Variants in ANGPTL5 observed in about 807,000 individuals in gnomAD.
The protein encoded by ANGPTL5 is angiopoietin like 5.
In ANGPTL5, 34 loss-of-function variants were observed where a neutral mutation model predicts 39.4. That is an observed-to-expected ratio of 0.86 (90% CI 0.66 to 1.15). The LOEUF (loss-of-function observed/expected upper bound fraction) is 1.15. Ranked by LOEUF, ANGPTL5 falls within the 50% of genes most tolerant of loss-of-function variation. ANGPTL5 has a pLI of 0.00. For synonymous variants in ANGPTL5, 146 were observed against 152.1 expected, an observed-to-expected ratio of 0.96 and a Z score of 0.29; for missense variants, 467 against 457.5, an observed-to-expected ratio of 1.02 and a Z score of -0.19.
chr11:101,900,437 A>G lies in ANGPTL5; in HGVS notation c.654T>C (p.Asp218=). The G allele has an allele frequency of 6.2e-7, 1 of 1,613,200 alleles. No individual in the cohort carries two copies. Among genetic ancestry groups the G allele is most frequent in the Non-Finnish European group, 8.5e-7 (1 of 1,179,670 alleles). The change falls in exon 7 of 9, where the codon GAT becomes GAC. Residue 218 remains aspartate, a synonymous_variant. Coordinates refer to ENST00000334289, the MANE Select transcript of ANGPTL5 (RefSeq NM_178127.5). ...LWCDYLDGFG[D]LLGEFWLGLK... ...AAATACAAAAAAATTAACCTAGAAG[A>G]TCTCCAAATCCATCCAGATAATCAC...
Position 101,913,560 on chromosome 11 carries a change from GT to G in ANGPTL5, c.-93+2458del, listed in dbSNP as rs369982291. On this transcript the variant is annotated intron_variant, in intron 1 of 8. Coordinates refer to ENST00000334289, the MANE Select transcript of ANGPTL5 (RefSeq NM_178127.5). The stretch of plus-strand genomic sequence containing the variant: ...TCCTTTCTAGATTCATAAATTACGT[GT>G]TTTTTTAAGTTAACGTAAGAAAGGA... Among the ~76,000 whole-genome samples the G allele has an allele frequency of 4.6e-5, 7 of 152,070 alleles. No individual in the cohort carries two copies. The East Asian group carries it at 9.7e-4, about 21-fold the overall frequency.
chr11:101,902,441 G>T (rs1025647856), intron 6 of ANGPTL5, among the ~76,000 whole-genome samples, 180 bp downstream of exon 6: 1 of 152,074 alleles, frequency 6.6e-6, no homozygotes, highest in Non-Finnish European at 1.5e-5. Flanking sequence ...ATTAATTCAT[G>T]TTTTGGGCAT....
At chr11:101,910,424 A>AATATATATATAT (rs71059523) in intron 1 of ANGPTL5, among the ~76,000 whole-genome samples, 38 of 127,204 alleles carry the variant, frequency 3.0e-4, no homozygotes, top group African/African-American at 8.8e-4. Context: ...AAAAAAAAAA[A>AATATATATATAT]ATATATATAT....
At chr11:101,913,941 T>A (rs1940137763) in intron 1 of ANGPTL5, among the ~76,000 whole-genome samples, 1 of 152,240 alleles carries the variant, frequency 6.6e-6, no homozygotes, top group Admixed American at 6.5e-5. Flanking sequence ...TTGTATATTT[T>A]ATCCTGTTGG....
rs1256021317 is a variant in ANGPTL5 at position 101,905,743 on chromosome 11, C to G, written c.345+1G>C. Reference sequence around the variant, plus strand: ...ACAACACAATACTAAAACATCTATACCTGATTAGATAAATAATCCAAGGAA... The same window carrying G: ...ACAACACAATACTAAAACATCTATAGCTGATTAGATAAATAATCCAAGGAA... On this transcript the variant is annotated splice_donor_variant, in intron 4 of 8. Transcript: ENST00000334289. LOFTEE classifies it high-confidence loss of function. 6.3e-7 allele frequency: 1 copy of G among 1,579,564 alleles called. No individual in the cohort carries two copies. The highest frequency in any genetic ancestry group is 1.3e-5 in the African/African-American group (1 of 74,162).
intron 1 of ANGPTL5, among the ~76,000 whole-genome samples, chr11:101,908,657 G>A (rs1342303867): frequency 4.0e-5 from 6 of 151,746 alleles, no homozygotes; most frequent in African/African-American, 9.7e-5. Flanking sequence ...GCAGGTGCCT[G>A]TAATCCCAGC....
At position 101,902,704 on chromosome 11, in the gene ANGPTL5, T is replaced by C. The variant is rs781021923; in HGVS notation, c.457A>G (p.Ile153Val). 1 of 1,610,480 alleles carries C rather than the reference T, an allele frequency of 6.2e-7. No homozygotes were observed. Among genetic ancestry groups the C allele is most frequent in the Non-Finnish European group, 8.5e-7 (1 of 1,177,298 alleles). The change falls in exon 6 of 9, where the codon ATT (isoleucine) becomes GTT (valine). Residue 153 changes from isoleucine to valine, a missense_variant. Coordinates refer to ENST00000334289, the MANE Select transcript of ANGPTL5 (RefSeq NM_178127.5). ...VQSHGLDCTD[I>V]KDTIGSVTKT... ...GTGACAGAGCCAATGGTATCCTTAA[T>C]ATCAGTGCAATCTAAACCTAGAAAA...
intron 2 of ANGPTL5, among the ~76,000 whole-genome samples, 186 bp from the exon 3 acceptor site, chr11:101,907,433 C>T (rs933172673): frequency 1.1e-4 from 16 of 152,002 alleles, no homozygotes; most frequent in East Asian, 5.8e-4. Context: ...TAAAATCAAA[C>T]GGACCAATTT....
intron 1 of ANGPTL5, among the ~76,000 whole-genome samples, chr11:101,908,781 A>C (rs1386191527): frequency 5.3e-5 from 6 of 112,558 alleles, no homozygotes; most frequent in Non-Finnish European, 8.7e-5. Context: ...ACTCCATCTC[A>C]AAAAAAAAAA....
At chr11:101,898,159 G>A (rs1939832958) in intron 7 of ANGPTL5, among the ~76,000 whole-genome samples, 1 of 152,070 alleles carries the variant, frequency 6.6e-6, no homozygotes, top group African/African-American at 2.4e-5. Flanking sequence ...GCAGGCAGAG[G>A]TTGCAGTGAG....
Position 101,907,822 on chromosome 11 carries a change from G to C in ANGPTL5, c.88C>G (p.His30Asp), listed in dbSNP as rs976730077. The change falls in exon 2 of 9, where the codon CAT becomes GAT. Residue 30 changes from histidine (H) to aspartate (D), a missense_variant. By Grantham distance (81) the His-to-Asp change is moderately conservative (BLOSUM62 -1). Coordinates refer to ENST00000334289, the MANE Select transcript of ANGPTL5 (RefSeq NM_178127.5). ...GEAVQGNCVH[H>D]STDSSVVNIV... Reference sequence around the variant, plus strand: ...ATTGCTAAAATTCTTACCGTAGAATGATGTACACAGTTACCTTGTACAGCT... The same window carrying C: ...ATTGCTAAAATTCTTACCGTAGAATCATGTACACAGTTACCTTGTACAGCT... 1 of 1,590,808 alleles carries C rather than the reference G, an allele frequency of 6.3e-7. No individual in the cohort carries two copies. The highest frequency in any genetic ancestry group is 8.6e-7 in the Non-Finnish European group (1 of 1,159,226).
chr11:101,900,424 A>T lies in ANGPTL5; in HGVS notation c.661+6T>A, dbSNP rs200721560. ...CAATGTAGAGTAGAAATACAAAAAA[A>T]TTAACCTAGAAGATCTCCAAATCCA... On this transcript the variant is annotated splice_donor_region_variant and intron_variant, in intron 7 of 8. Transcript: ENST00000334289. 108 of 1,612,564 alleles carry T rather than the reference A, an allele frequency of 6.7e-5. No homozygotes were observed. The East Asian group carries it at 1.9e-3, about 28-fold the overall frequency.
intron 7 of ANGPTL5, among the ~76,000 whole-genome samples, chr11:101,897,680 T>C (rs550851471): frequency 1.3e-5 from 2 of 152,298 alleles, no homozygotes; most frequent in East Asian, 1.9e-4. Context: ...TGTGGTGTTA[T>C]TTCTGAGGCC....
intron 1 of ANGPTL5, chr11:101,915,360 GC>G: frequency 6.2e-7 from 1 of 1,613,944 alleles, no homozygotes; most frequent in Non-Finnish European, 8.5e-7. Context: ...CCTCGACAGA[GC>G]CCCCCTCGGC....
Position 101,900,552 on chromosome 11 carries a change from T to C in ANGPTL5, c.541-2A>G. The C allele has an allele frequency of 2.5e-6, 4 of 1,609,734 alleles. No homozygotes were observed. Among genetic ancestry groups the C allele is most frequent in the Non-Finnish European group, 3.4e-6 (4 of 1,176,372 alleles). ...TCTGTAATCCATGTCACACATTACC[T>C]AAAATAAGCACAGAGAAGACCAAAA... is the stretch of plus-strand genomic sequence containing the variant. On this transcript the variant is annotated splice_acceptor_variant, in intron 6 of 8. Coordinates refer to ENST00000334289, the MANE Select transcript of ANGPTL5 (RefSeq NM_178127.5). LOFTEE classifies it high-confidence loss of function.
intron 6 of ANGPTL5, among the ~76,000 whole-genome samples, chr11:101,902,030 T>A (rs1275296388): frequency 6.6e-6 from 1 of 151,978 alleles, no homozygotes; most frequent in Non-Finnish European, 1.5e-5. Flanking sequence ...CTACTAGATA[T>A]CCTTGCAGAG....
chr11:101,910,560 T>C (rs1446744569), intron 1 of ANGPTL5, among the ~76,000 whole-genome samples: 2 of 152,070 alleles, frequency 1.3e-5, no homozygotes, highest in Non-Finnish European at 2.9e-5. Context: ...AAATTGCATG[T>C]CTAATAGACA....
chr11:101,905,397 C>T (rs1354269609), intron 4 of ANGPTL5, among the ~76,000 whole-genome samples: 1 of 152,208 alleles, frequency 6.6e-6, no homozygotes, highest in Non-Finnish European at 1.5e-5. Flanking sequence ...ATGTCCTCTT[C>T]GCCTTACCCA....
chr11:101,895,111 A>T (rs1939769522), intron 7 of ANGPTL5, 47 bp from the exon 8 acceptor site: 14 of 1,352,072 alleles, frequency 1.0e-5, no homozygotes, highest in Non-Finnish European at 1.4e-5. Flanking sequence ...ACAAATTAGA[A>T]TAATGGTTTA....
Sources: allele counts gnomAD v4.1 joint callset (sites outside exome capture counted in the v4.1 genomes callset), GRCh38; gene constraint gnomAD v4.1.1; transcripts MANE v1.5; gene names NCBI Gene and HGNC (gene_info 2026-07-23, HGNC 2026-07-21).